Variants in KCNT2 observed in about 807,000 individuals in gnomAD.
KCNT2 encodes potassium sodium-activated channel subfamily T member 2.
In KCNT2, 67 loss-of-function variants were observed where a neutral mutation model predicts 153.8. The ratio of observed to expected loss-of-function variants is 0.44; its 90% CI spans 0.36 to 0.53. The LOEUF is 0.53. KCNT2 is among the 20% of genes least tolerant of loss of function. The probability of loss-of-function intolerance (pLI) is 0.00; values close to 1 mark genes in which losing one functional copy is unlikely to be tolerated. For synonymous variants in KCNT2, 500 were observed against 458.8 expected, an observed-to-expected ratio of 1.09 and a Z score of -1.15; for missense variants, 975 against 1,354.8, an observed-to-expected ratio of 0.72 and a Z score of 4.40.
At chr1:196,371,220 CAAAAAAAAAA>C (rs952744388) in intron 14 of KCNT2, among the ~76,000 whole-genome samples, 5 of 21,936 alleles carry the variant, frequency 2.3e-4, no homozygotes, top group Admixed American at 1.9e-3. Flanking sequence ...CCCGTCACTA[CAAAAAAAAAA>C]AAAAAAAAAA....
At chr1:196,404,836 A>G (rs1366984750) in intron 12 of KCNT2, among the ~76,000 whole-genome samples, 1 of 151,694 alleles carries the variant, frequency 6.6e-6, no homozygotes, top group Non-Finnish European at 1.5e-5. Context: ...ACAGGTGAAT[A>G]AGAAAAACAA....
chr1:196,364,926 A>G (rs866058093), intron 14 of KCNT2, among the ~76,000 whole-genome samples: 25 of 152,174 alleles, frequency 1.6e-4, no homozygotes, highest in African/African-American at 6.0e-4. Flanking sequence ...GCAACTTTTT[A>G]AAATTAATTC....
intron 25 of KCNT2, among the ~76,000 whole-genome samples, chr1:196,262,471 G>T (rs1342956581): frequency 6.6e-6 from 1 of 151,954 alleles, no homozygotes; most frequent in Non-Finnish European, 1.5e-5. Flanking sequence ...TCACTAAAAT[G>T]TGCTAGTTTA....
At chr1:196,593,311 T>TATATACACACACAC (rs1256165838) in intron 1 of KCNT2, among the ~76,000 whole-genome samples, 9 of 140,204 alleles carry the variant, frequency 6.4e-5, no homozygotes, top group African/African-American at 2.5e-4. Flanking sequence ...TATATATATA[T>TATATACACACACAC]ACACACACAC....
Position 196,549,725 on chromosome 1 carries a change from GT to G in KCNT2, c.96-57385del, listed in dbSNP as rs1657638763. Among the ~76,000 whole-genome samples the G allele has an allele frequency of 2.0e-5, 3 of 151,916 alleles. No homozygotes were observed. In the South Asian group the frequency reaches 6.2e-4, roughly 31 times the overall value. On this transcript the variant is annotated intron_variant, in intron 1 of 27. Coordinates refer to ENST00000294725, the MANE Select transcript of KCNT2 (RefSeq NM_198503.5). ...ATGCACACTAAATTTTATGAGCCATGTGGGTCTTTTATTCAGATATGTTTGA... is the reference window on the plus strand; with the variant it reads ...ATGCACACTAAATTTTATGAGCCATGGGGTCTTTTATTCAGATATGTTTGA...
intron 1 of KCNT2, among the ~76,000 whole-genome samples, chr1:196,591,284 C>T (rs777517200): frequency 4.6e-5 from 7 of 152,184 alleles, no homozygotes; most frequent in African/African-American, 9.6e-5. Flanking sequence ...CTTACAACTT[C>T]CACAATAAGT....
Position 196,342,114 on chromosome 1 carries a change from C to A in KCNT2, c.1518G>T (p.Lys506Asn). The change falls in exon 15 of 28, where the codon AAG (lysine) becomes AAT (asparagine). Residue 506 changes from lysine (K) to asparagine (N), a missense_variant. By Grantham distance (94) the Lys-to-Asn change is moderately conservative. Coordinates refer to ENST00000294725, the MANE Select transcript of KCNT2 (RefSeq NM_198503.5). ...ESTFFAEYEGKSFTYASFHAH... is the reference protein window; with the variant it reads ...ESTFFAEYEGNSFTYASFHAH... ...CATGGAAAGAGGCATATGTAAAACTCTTTCCTTCATATTCAGCAAAAAATG... is the reference window on the plus strand; with the variant it reads ...CATGGAAAGAGGCATATGTAAAACTATTTCCTTCATATTCAGCAAAAAATG... 1 of 1,611,292 alleles carries A rather than the reference C, an allele frequency of 6.2e-7. No individual in the cohort carries two copies. Among genetic ancestry groups the A allele is most frequent in the Non-Finnish European group, 8.5e-7 (1 of 1,178,694 alleles).
rs994171988 is a variant in KCNT2, at chr1:196,367,523, G to A, written c.1403+5617C>T. Among the ~76,000 whole-genome samples the A allele has an allele frequency of 6.6e-5, 10 of 151,764 alleles. 1 individual carries two copies. The highest frequency in any genetic ancestry group is 1.5e-4 in the Non-Finnish European group (10 of 67,894). On this transcript the variant is annotated intron_variant, in intron 14 of 27. Transcript: ENST00000294725. ...TTTGTATGTAAATATATGTGTAGAT[G>A]TATATGTACTTTATAAATATTTACA...
chr1:196,228,402 C>A lies in KCNT2; in HGVS notation c.3297-67G>T, dbSNP rs1226089123. On this transcript the variant is annotated intron_variant, in intron 27 of 27. Coordinates refer to ENST00000294725, the MANE Select transcript of KCNT2 (RefSeq NM_198503.5). ...TACAGGCAACATTAATTCACACTGA[C>A]ACTTCATATTTCTAATTTATTTGTT... The A allele has an allele frequency of 3.9e-6, 3 of 768,792 alleles. No individual in the cohort carries two copies. In the South Asian group the frequency reaches 4.8e-5, roughly 12 times the overall value. 47.6% of individuals were successfully genotyped at this position (768,792 alleles called of 1,614,324 possible). A position where few individuals can be genotyped will look rare whatever the true frequency, so the allele number is the denominator to read the frequency against.
chr1:196,345,359 A>G (rs1666051418), intron 14 of KCNT2, among the ~76,000 whole-genome samples: 2 of 152,154 alleles, frequency 1.3e-5, no homozygotes, highest in Non-Finnish European at 2.9e-5. Flanking sequence ...GGAGAAGACC[A>G]TTACAGGCAG....
At chr1:196,234,280 C>T (rs1264672321) in intron 27 of KCNT2, among the ~76,000 whole-genome samples, 1 of 150,816 alleles carries the variant, frequency 6.6e-6, no homozygotes, top group Non-Finnish European at 1.5e-5. Context: ...TTTTACTACC[C>T]AACAGCCCCT....
chr1:196,602,512 C>G (rs1664833826), intron 1 of KCNT2, among the ~76,000 whole-genome samples: 1 of 152,064 alleles, frequency 6.6e-6, no homozygotes, highest in South Asian at 2.1e-4. Flanking sequence ...CACAGAAGTA[C>G]TACTAATACA....
At chr1:196,335,201 C>T (rs909826712) in intron 16 of KCNT2, among the ~76,000 whole-genome samples, 1 of 152,050 alleles carries the variant, frequency 6.6e-6, no homozygotes, top group South Asian at 2.1e-4. Context: ...CTAGTCTTTG[C>T]TTTGTCCCAT....
At chr1:196,243,419 T>C (rs1655136194) in intron 26 of KCNT2, among the ~76,000 whole-genome samples, 1 of 152,180 alleles carries the variant, frequency 6.6e-6, no homozygotes, top group Non-Finnish European at 1.5e-5. Context: ...TTTTTAACTT[T>C]ATGTCACTGA....
intron 10 of KCNT2, among the ~76,000 whole-genome samples, chr1:196,427,463 G>A (rs925049529): frequency 7.2e-5 from 11 of 151,984 alleles, no homozygotes; most frequent in African/African-American, 2.7e-4. Context: ...CAGACTAAGT[G>A]CAGTAAGCAG....
chr1:196,599,961 A>G (rs1054916753), intron 1 of KCNT2, among the ~76,000 whole-genome samples: 2 of 152,228 alleles, frequency 1.3e-5, no homozygotes, highest in Admixed American at 6.5e-5. Context: ...GAGACAAATA[A>G]GTCTAATATC....
intron 10 of KCNT2, 130 bp from the exon 11 acceptor site, chr1:196,426,118 C>T: frequency 1.5e-6 from 1 of 688,188 alleles, no homozygotes; most frequent in Non-Finnish European, 2.4e-6. Flanking sequence ...AATAAAATTT[C>T]ACATTTAAAA....
At chr1:196,520,998 A>T (rs540804224) in intron 1 of KCNT2, among the ~76,000 whole-genome samples, 1 of 152,342 alleles carries the variant, frequency 6.6e-6, no homozygotes, top group Admixed American at 6.5e-5. Flanking sequence ...AACTATCAAC[A>T]GAGTAAACAG....
At chr1:196,451,407 A>ACTTTTT (rs1491122191) in intron 8 of KCNT2, among the ~76,000 whole-genome samples, 4 of 62,874 alleles carry the variant, frequency 6.4e-5, no homozygotes, top group Non-Finnish European at 8.2e-5. Context: ...CACCCAACAC[A>ACTTTTT]TTTTTTTTTT....
Sources: gnomAD v4.1 joint callset for allele counts (sites outside exome capture counted in the v4.1 genomes callset) on GRCh38, gnomAD v4.1.1 for gene constraint, MANE v1.5 for transcripts, NCBI Gene and HGNC (gene_info 2026-07-23, HGNC 2026-07-21) for gene names.